The following SHISA9 variants were observed in gnomAD, a reference collection of about 807,000 sequenced individuals.
SHISA9 encodes protein shisa-9.
In SHISA9, 13 loss-of-function variants were observed where a neutral mutation model predicts 38.0. The observed-to-expected ratio is 0.34, with a 90% CI of 0.22 to 0.54. SHISA9 has a LOEUF of 0.54. Ranked by LOEUF, SHISA9 falls within the 20% of genes least tolerant of loss-of-function variation. The probability of loss-of-function intolerance (pLI) is 0.91; values close to 1 mark genes in which losing one functional copy is unlikely to be tolerated. For missense variants in SHISA9, 538 were observed against 575.8 expected, an observed-to-expected ratio of 0.93 and a Z score of 0.67; for synonymous variants, 275 against 242.0, an observed-to-expected ratio of 1.14 and a Z score of -1.27.
At chr16:13,443,177 T>A in the SHISA9 span, among the ~76,000 whole-genome samples, 1 of 152,228 alleles carries the variant, frequency 6.6e-6, no homozygotes, top group South Asian at 2.1e-4. Context: ...GGAATCCAAC[T>A]GTACCAAATA....
At chr16:13,541,307 A>G in the SHISA9 span, among the ~76,000 whole-genome samples, 1 of 152,218 alleles carries the variant, frequency 6.6e-6, no homozygotes, top group African/African-American at 2.4e-5. Flanking sequence ...AATGTAGTAC[A>G]TGATGAGCTG....
the SHISA9 span, among the ~76,000 whole-genome samples, chr16:13,550,967 C>T: frequency 2.0e-5 from 3 of 151,976 alleles, no homozygotes; most frequent in Non-Finnish European, 4.4e-5. Flanking sequence ...ACTAAAAATA[C>T]AAAAAATTAG....
chr16:12,907,061 C>A lies in SHISA9; in HGVS notation c.563+4434C>A, dbSNP rs1386974789. Among the ~76,000 whole-genome samples the A allele has an allele frequency of 4.1e-5, 6 of 145,244 alleles. No homozygotes were observed. The South Asian group carries it at 1.5e-3, about 35-fold the overall frequency. On this transcript the variant is annotated intron_variant, in intron 1 of 4. Coordinates refer to ENST00000558583, the MANE Select transcript of SHISA9 (RefSeq NM_001145204.3). ...ATCCCCCTTCCCCCTTCCCTCCTTC[C>A]CTCCCTCCCTTCCTCCTTTGTTTTT...
chr16:12,904,487 A>T (rs1386268290), intron 1 of SHISA9, among the ~76,000 whole-genome samples: 1 of 152,070 alleles, frequency 6.6e-6, no homozygotes. Flanking sequence ...CCGGTTACCC[A>T]AGGGCCCAAC....
chr16:12,909,398 A>G (rs2071149913), intron 1 of SHISA9: 1 of 985,456 alleles, frequency 1.0e-6, no homozygotes, highest in Non-Finnish European at 1.2e-6. Flanking sequence ...CAGGAACTCT[A>G]TTCAAGTGTT....
the SHISA9 span, among the ~76,000 whole-genome samples, chr16:13,461,957 C>A: frequency 6.6e-6 from 1 of 152,002 alleles, no homozygotes; most frequent in Non-Finnish European, 1.5e-5. Context: ...AAGTATTCAC[C>A]CATTCAATAA....
chr16:12,991,636 C>T (rs2072387241), intron 2 of SHISA9, among the ~76,000 whole-genome samples: 1 of 152,180 alleles, frequency 6.6e-6, no homozygotes, highest in African/African-American at 2.4e-5. Flanking sequence ...ATTAACGTCA[C>T]TCTGTTCATT....
At chr16:12,926,511 G>A (rs1596533147) in intron 2 of SHISA9, among the ~76,000 whole-genome samples, 2 of 152,312 alleles carry the variant, frequency 1.3e-5, no homozygotes, top group East Asian at 3.9e-4. Flanking sequence ...GAGGTACAAG[G>A]ATGAATTAGA....
the SHISA9 span, among the ~76,000 whole-genome samples, chr16:13,500,395 T>G: frequency 2.6e-5 from 4 of 152,132 alleles, no homozygotes; most frequent in Non-Finnish European, 5.9e-5. Flanking sequence ...GAGAAAGGAC[T>G]AAAACAGTGC....
At chr16:13,306,241 G>T in the SHISA9 span, among the ~76,000 whole-genome samples, 7 of 152,336 alleles carry the variant, frequency 4.6e-5, no homozygotes, top group East Asian at 1.4e-3. Flanking sequence ...CTGCAGGAAG[G>T]GAGGGGTGGA....
intron 2 of SHISA9, among the ~76,000 whole-genome samples, chr16:13,085,357 G>A (rs1323232601): frequency 2.6e-5 from 4 of 151,458 alleles, no homozygotes; most frequent in South Asian, 4.2e-4. Context: ...AAAAAAAAAA[G>A]GAAGAGCTCC....
intron 2 of SHISA9, among the ~76,000 whole-genome samples, chr16:12,963,759 T>G (rs991235044): frequency 3.3e-5 from 5 of 152,162 alleles, no homozygotes; most frequent in Non-Finnish European, 7.3e-5. Flanking sequence ...CCAGTCTAGG[T>G]TTCACAAAGT....
chr16:13,463,670 C>T, the SHISA9 span, among the ~76,000 whole-genome samples: 3 of 152,210 alleles, frequency 2.0e-5, no homozygotes, highest in South Asian at 2.1e-4. Context: ...TTAGCAGATT[C>T]TTTATTTCAT....
intron 2 of SHISA9, among the ~76,000 whole-genome samples, chr16:12,977,618 T>C (rs1168006888): frequency 6.6e-6 from 1 of 152,152 alleles, no homozygotes; most frequent in African/African-American, 2.4e-5. Context: ...CCTGTCACCA[T>C]GGAAAATACT....
At chr16:13,503,631 A>G in the SHISA9 span, among the ~76,000 whole-genome samples, 1 of 152,000 alleles carries the variant, frequency 6.6e-6, no homozygotes, top group Non-Finnish European at 1.5e-5. Flanking sequence ...TTTTTGGGCT[A>G]CATTGTACTG....
the SHISA9 span, among the ~76,000 whole-genome samples, chr16:13,295,964 C>T: frequency 1.3e-5 from 2 of 152,086 alleles, no homozygotes; most frequent in Non-Finnish European, 2.9e-5. Context: ...TTTTTTGAGC[C>T]TGTATCAGAC....
intron 2 of SHISA9, among the ~76,000 whole-genome samples, chr16:13,053,378 C>T (rs1313747275): frequency 1.3e-5 from 2 of 152,140 alleles, no homozygotes; most frequent in Non-Finnish European, 1.5e-5. Flanking sequence ...CAGCATGGTC[C>T]AAGTCTCCAT....
At chr16:13,267,360 CA>C in the SHISA9 span, among the ~76,000 whole-genome samples, 1 of 152,082 alleles carries the variant, frequency 6.6e-6, no homozygotes, top group Non-Finnish European at 1.5e-5. Flanking sequence ...TTTCAGCTGG[CA>C]AATGTATAAC....
At chr16:13,219,934 G>A (rs1033044119) in intron 4 of SHISA9, among the ~76,000 whole-genome samples, 10 of 152,046 alleles carry the variant, frequency 6.6e-5, no homozygotes, top group African/African-American at 2.4e-4. Context: ...CTCCAGCCTG[G>A]GTGACAGAGT....
Sources: gnomAD v4.1 joint callset for allele counts (sites outside exome capture counted in the v4.1 genomes callset) on GRCh38, gnomAD v4.1.1 for gene constraint, MANE v1.5 for transcripts, NCBI Gene and HGNC (gene_info 2026-07-23, HGNC 2026-07-21) for gene names.